The following REPS2 variants were observed in gnomAD, a reference collection of about 807,000 sequenced individuals.
The protein encoded by REPS2 is ralBP1-associated Eps domain-containing protein 2.
In REPS2, 23 loss-of-function variants were observed where a neutral mutation model predicts 53.6. That is an observed-to-expected ratio of 0.43 (90% CI 0.31 to 0.61). The LOEUF is 0.61. Ranked by LOEUF, REPS2 falls within the 20% of genes least tolerant of loss-of-function variation. REPS2 has a pLI of 0.11. For synonymous variants in REPS2, 238 were observed against 218.6 expected, an observed-to-expected ratio of 1.09 and a Z score of -0.78; for missense variants, 446 against 534.9, an observed-to-expected ratio of 0.83 and a Z score of 1.64.
intron 13 of REPS2, among the ~76,000 whole-genome samples, chrX:17,090,282 G>A (rs1418623162): frequency 8.9e-6 from 1 of 112,530 alleles, no homozygotes; most frequent in African/African-American, 3.2e-5. Context: ...AGTTCCACGT[G>A]GCCGGGGAAG....
intron 1 of REPS2, among the ~76,000 whole-genome samples, chrX:16,958,487 A>G (rs1602502064): frequency 8.9e-6 from 1 of 111,984 alleles, no homozygotes; most frequent in Non-Finnish European, 1.9e-5. Flanking sequence ...ATGTTGAGGC[A>G]CGAAGGGACT....
intron 5 of REPS2, among the ~76,000 whole-genome samples, chrX:17,047,035 T>G (rs1382547505): frequency 1.8e-5 from 2 of 112,805 alleles, no homozygotes; most frequent in Non-Finnish European, 3.7e-5. Flanking sequence ...ATGTGAGGAA[T>G]AGTGGAAAAT....
chrX:17,111,861 T>C (rs995172578), intron 14 of REPS2, among the ~76,000 whole-genome samples: 2 of 112,129 alleles, frequency 1.8e-5, no homozygotes, highest in African/African-American at 6.5e-5. Flanking sequence ...TTTTGTAATA[T>C]AGATAAAACT....
At chrX:16,984,296 G>A (rs2061062934) in intron 1 of REPS2, among the ~76,000 whole-genome samples, 1 of 112,081 alleles carries the variant, frequency 8.9e-6, no homozygotes, top group Non-Finnish European at 1.9e-5. Context: ...CTCTCTTTAG[G>A]GTTGCTTGAT....
In REPS2 at chrX:17,121,201, C is replaced by T. The variant is rs1446868772; in HGVS notation, c.1579-12623C>T. ...TCCTTGAAGGAGAGGAAGAAGAAAA[C>T]AAGCCTGTCCAGAGAAAATGGGGTG... On this transcript the variant is annotated intron_variant, in intron 14 of 17. Coordinates refer to ENST00000357277, the MANE Select transcript of REPS2 (RefSeq NM_004726.3). Among the ~76,000 whole-genome samples, 3 of 112,077 alleles carry T rather than the reference C, an allele frequency of 2.7e-5. No homozygotes were observed. The East Asian group carries it at 8.4e-4, about 31-fold the overall frequency.
chrX:17,143,740 CTGTT>C (rs936935669), intron 17 of REPS2, among the ~76,000 whole-genome samples: 3 of 110,531 alleles, frequency 2.7e-5, no homozygotes, highest in Admixed American at 9.6e-5. Context: ...TTTTTGTTCT[CTGTT>C]TATTTTTGAC....
At chrX:17,111,957 A>G (rs1339602666) in intron 14 of REPS2, among the ~76,000 whole-genome samples, 1 of 110,342 alleles carries the variant, frequency 9.1e-6, no homozygotes, top group African/African-American at 3.3e-5. Context: ...CCCCAGAAAT[A>G]CTATAATGGA....
the REPS2 span, among the ~76,000 whole-genome samples, chrX:17,174,841 G>C: frequency 8.9e-6 from 1 of 112,806 alleles, no homozygotes; most frequent in Admixed American, 9.3e-5. Flanking sequence ...AGAAGCCAAA[G>C]CAGATCCTCA....
the REPS2 span, among the ~76,000 whole-genome samples, chrX:17,165,472 G>T: frequency 3.6e-5 from 4 of 111,168 alleles, no homozygotes; most frequent in Non-Finnish European, 1.9e-5. Flanking sequence ...TTTAAAGTGG[G>T]TTCAATATTT....
At chrX:16,951,321 A>C (rs1233012829) in intron 1 of REPS2, among the ~76,000 whole-genome samples, 1 of 111,720 alleles carries the variant, frequency 9.0e-6, no homozygotes, top group Non-Finnish European at 1.9e-5. Flanking sequence ...TGCTCTTAAA[A>C]TAAGTCAGCA....
At chrX:16,951,534 CACACACACACACACACACACACACA>C (rs1478352990) in intron 1 of REPS2, among the ~76,000 whole-genome samples, 7 of 52,810 alleles carry the variant, frequency 1.3e-4, no homozygotes, top group Non-Finnish European at 2.4e-4. Context: ...CACACACACA[CACACACACACACACACACACACACA>C]CCCCCGCTAC....
intron 5 of REPS2, among the ~76,000 whole-genome samples, chrX:17,041,912 C>G (rs2061835771): frequency 9.0e-6 from 1 of 111,540 alleles, no homozygotes; most frequent in Non-Finnish European, 1.9e-5. Context: ...TAAATGTTAC[C>G]TTTTGGGATT....
intron 5 of REPS2, among the ~76,000 whole-genome samples, chrX:17,037,069 A>G (rs1042556893): frequency 9.0e-6 from 1 of 110,564 alleles, no homozygotes; most frequent in Non-Finnish European, 1.9e-5. Context: ...ACCTGAACGG[A>G]CACTATTGCC....
intron 9 of REPS2, among the ~76,000 whole-genome samples, chrX:17,065,828 A>G (rs1221307493): frequency 9.0e-6 from 1 of 111,204 alleles, no homozygotes; most frequent in East Asian, 2.8e-4. Flanking sequence ...ATTGTGATCC[A>G]CCCACCTCGG....
At chrX:17,113,923 C>T (rs570601808) in intron 14 of REPS2, among the ~76,000 whole-genome samples, 1 of 111,967 alleles carries the variant, frequency 8.9e-6, no homozygotes, top group Non-Finnish European at 1.9e-5. Context: ...AAAATAAGAA[C>T]AATACAGACC....
intron 14 of REPS2, among the ~76,000 whole-genome samples, chrX:17,108,347 AT>A (rs1255564498): frequency 9.1e-6 from 1 of 109,294 alleles, no homozygotes; most frequent in Non-Finnish European, 1.9e-5. Flanking sequence ...CTAATTCTGT[AT>A]TTTTAGTAGA....
At chrX:17,171,971 T>C in the REPS2 span, among the ~76,000 whole-genome samples, 3 of 111,837 alleles carry the variant, frequency 2.7e-5, no homozygotes, top group Non-Finnish European at 5.6e-5. Context: ...CCAATGTTCA[T>C]TGAGTACCTA....
the REPS2 span, among the ~76,000 whole-genome samples, chrX:17,158,327 T>C: frequency 8.9e-6 from 1 of 111,812 alleles, no homozygotes; most frequent in African/African-American, 3.3e-5. Context: ...TTGACTTGTA[T>C]ATTTTTTAAA....
intron 17 of REPS2, among the ~76,000 whole-genome samples, chrX:17,142,132 A>G (rs1257651273): frequency 1.8e-5 from 2 of 112,128 alleles, no homozygotes; most frequent in Non-Finnish European, 3.8e-5. Flanking sequence ...AATAGTTTTC[A>G]ACAAATTGTT....
Sources: allele counts gnomAD v4.1 joint callset (sites outside exome capture counted in the v4.1 genomes callset), GRCh38; gene constraint gnomAD v4.1.1; transcripts MANE v1.5; gene names NCBI Gene and HGNC (gene_info 2026-07-23, HGNC 2026-07-21).